NAPB: variants seen among roughly 807,000 people sequenced by gnomAD.
The protein encoded by NAPB is NSF attachment protein beta.
In NAPB, 26 loss-of-function variants were observed where a neutral mutation model predicts 44.7. That is an observed-to-expected ratio of 0.58 (90% CI 0.43 to 0.81). The LOEUF (loss-of-function observed/expected upper bound fraction) is 0.81. Ranked by LOEUF, NAPB falls within the 30% of genes least tolerant of loss-of-function variation. NAPB has a pLI of 0.00. For missense variants in NAPB, 315 were observed against 356.4 expected (o/e 0.88, Z 0.94); for synonymous variants, 120 against 116.8 (o/e 1.03, Z -0.18).
In NAPB at chr20:23,374,742, C is replaced by A. The variant is rs1982358654; in HGVS notation, c.*2634G>T. On this transcript the variant is annotated 3_prime_UTR_variant, in exon 11 of 11. Transcript: ENST00000377026. ...TTTAAATCCACAAAATCAGGAGAAA[C>A]AATAAATGCACAAGGGCTGGTGCAT... 1 of 152,264 alleles carries A rather than the reference C, an allele frequency of 6.6e-6. No individual in the cohort carries two copies. The highest frequency in any genetic ancestry group is 2.4e-5 in the African/African-American group (1 of 41,424). 9.4% of individuals were successfully genotyped at this position (152,264 alleles called of 1,614,324 possible). A position where few individuals can be genotyped will look rare whatever the true frequency, so the allele number is the denominator to read the frequency against.
intron 7 of NAPB, among the ~76,000 whole-genome samples, chr20:23,385,294 G>A (rs937420445): frequency 6.6e-6 from 1 of 152,192 alleles, no homozygotes; most frequent in Admixed American, 6.5e-5. Context: ...AAAATTACCA[G>A]AGACAGAGAA....
Position 23,397,064 on chromosome 20 carries a change from T to A in NAPB, c.295+8A>T. The A allele has an allele frequency of 6.2e-7, 1 of 1,611,994 alleles. No homozygotes were observed. ...AGAGATAGCATGCTACATGCCTGGC[T>A]GTCTTACCTTGGGGATCTGCCTTTT... On this transcript the variant is annotated splice_region_variant and intron_variant, in intron 3 of 10. Transcript: ENST00000377026.
At chr20:23,408,595 G>A (rs1985424498) in intron 1 of NAPB, among the ~76,000 whole-genome samples, 1 of 152,110 alleles carries the variant, frequency 6.6e-6, no homozygotes, top group Non-Finnish European at 1.5e-5. Flanking sequence ...CTAAAAACTT[G>A]GGGCTTTCCT....
chr20:23,385,213 C>T (rs979300825), intron 7 of NAPB, among the ~76,000 whole-genome samples: 1 of 152,012 alleles, frequency 6.6e-6, no homozygotes, highest in African/African-American at 2.4e-5. Flanking sequence ...AATGGACAAA[C>T]ATATCATATA....
At chr20:23,386,858 G>A (rs139779626) in intron 7 of NAPB, among the ~76,000 whole-genome samples, 19 of 152,290 alleles carry the variant, frequency 1.2e-4, no homozygotes, top group African/African-American at 2.9e-4. Context: ...ACAGCTTTCA[G>A]TGGGTTCTGT....
At chr20:23,416,162 C>G (rs541477885) in intron 1 of NAPB, among the ~76,000 whole-genome samples, 1 of 152,246 alleles carries the variant, frequency 6.6e-6, no homozygotes, top group South Asian at 2.1e-4. Flanking sequence ...GTGTTAGCCA[C>G]AGCAACAAAA....
rs759556276 is a variant in NAPB, at chr20:23,377,354, A to G, written c.*22T>C. ...ACAAAACTAAAGAGGAGTTAGCTGC[A>G]TGCCACAAAGACAAAAACATTTCAT... On this transcript the variant is annotated 3_prime_UTR_variant, in exon 11 of 11. Transcript: ENST00000377026. The G allele has an allele frequency of 2.7e-6, 4 of 1,506,644 alleles. No individual in the cohort carries two copies. The African/African-American group carries it at 5.5e-5, about 21-fold the overall frequency. 93.3% of individuals were successfully genotyped at this position (1,506,644 alleles called of 1,614,324 possible). A position where few individuals can be genotyped will look rare whatever the true frequency, so the allele number is the denominator to read the frequency against.
At chr20:23,415,146 G>C (rs542390953) in intron 1 of NAPB, among the ~76,000 whole-genome samples, 5 of 152,114 alleles carry the variant, frequency 3.3e-5, no homozygotes, top group African/African-American at 9.7e-5. Flanking sequence ...AACAGATACT[G>C]TCTGAAAATC....
chr20:23,399,871 CG>C (rs1286864735), intron 2 of NAPB, among the ~76,000 whole-genome samples: 28 of 152,344 alleles, frequency 1.8e-4, no homozygotes, highest in African/African-American at 4.3e-4. Flanking sequence ...ACATTACACA[CG>C]GTGGCCACTT....
intron 3 of NAPB, 67 bp downstream of exon 3, chr20:23,397,005 C>T (rs3736755): frequency 0.084 from 125,997 of 1,507,060 alleles, 6,635 homozygotes; most frequent in East Asian, 0.28. Flanking sequence ...CTGACCTTAA[C>T]GTTGAGGGAA....
In NAPB at chr20:23,421,372, C is replaced by G. The variant is rs994145636; in HGVS notation, c.31G>C (p.Val11Leu). MDNAGKEREA[V>L]QLMAEAEKRV... ...TTCTCGGCCTCCGCCATCAGCTGTA[C>G]TGCCTCACGCTCCTTCCCCGCGTTG... The change falls in exon 1 of 11, where the codon GTA (valine) becomes CTA (leucine). Residue 11 changes from valine (V) to leucine (L), a missense_variant. Around this residue, in one of 3 missense-constraint regions of NAPB, gnomAD observed 179 missense variants for 182.5 expected, o/e 0.98. Transcript: ENST00000377026. 2.6e-6 allele frequency: 4 copies of G among 1,553,556 alleles called. No individual in the cohort carries two copies. Among genetic ancestry groups the G allele is most frequent in the East Asian group, 2.4e-5 (1 of 40,826 alleles).
intron 1 of NAPB, among the ~76,000 whole-genome samples, chr20:23,406,656 A>C (rs889806144): frequency 1.3e-5 from 2 of 152,190 alleles, no homozygotes; most frequent in African/African-American, 2.4e-5. Flanking sequence ...AAAGAAAAAC[A>C]GCTAATAAGT....
chr20:23,384,267 G>A (rs1983285286), intron 7 of NAPB, among the ~76,000 whole-genome samples: 1 of 152,124 alleles, frequency 6.6e-6, no homozygotes, highest in Non-Finnish European at 1.5e-5. Flanking sequence ...TAGAAACACT[G>A]GAAAATCAAG....
intron 1 of NAPB, among the ~76,000 whole-genome samples, chr20:23,412,974 C>A (rs900126328): frequency 2.0e-5 from 3 of 151,998 alleles, no homozygotes; most frequent in African/African-American, 7.3e-5. Flanking sequence ...TGGGCAACAG[C>A]GTGAGACTCT....
At chr20:23,388,724 G>A (rs1246854894) in intron 7 of NAPB, among the ~76,000 whole-genome samples, 2 of 152,010 alleles carry the variant, frequency 1.3e-5, no homozygotes, top group Non-Finnish European at 2.9e-5. Flanking sequence ...AATAAAGTTG[G>A]ACCCTTACCT....
Position 23,421,415 on chromosome 20 carries a change from G to GGCCGCCACA in NAPB, c.-22_-14dup. The GGCCGCCACA allele has an allele frequency of 6.5e-7, 1 of 1,541,274 alleles. No individual in the cohort carries two copies. Among genetic ancestry groups the GGCCGCCACA allele is most frequent in the South Asian group, 1.2e-5 (1 of 83,500 alleles). ...CCGCGTTGTCCATGTCGCCCGCCGCGGCCGCCACAGCCCCCTCAGCCGGCT... is the reference window on the plus strand; with the variant it reads ...CCGCGTTGTCCATGTCGCCCGCCGCGGCCGCCACAGCCGCCACAGCCCCCTCAGCCGGCT... On this transcript the variant is annotated 5_prime_UTR_variant, in exon 1 of 11. Coordinates refer to ENST00000377026, the MANE Select transcript of NAPB (RefSeq NM_022080.3).
chr20:23,397,224 A>C (rs1984433371), intron 2 of NAPB, 36 bp from the exon 3 acceptor site: 2 of 1,589,080 alleles, frequency 1.3e-6, no homozygotes, highest in Non-Finnish European at 1.7e-6. Flanking sequence ...CAGAGGAACA[A>C]GTCCCCCCCA....
In NAPB at chr20:23,421,456, C is replaced by A. The variant is rs192010186; in HGVS notation, c.-54G>T. 1.6e-3 allele frequency: 2,362 copies of A among 1,477,516 alleles called. 48 individuals carry two copies. In the Admixed American group the frequency reaches 0.039, roughly 24 times the overall value. 91.5% of individuals were successfully genotyped at this position (1,477,516 alleles called of 1,614,324 possible). On this transcript the variant is annotated 5_prime_UTR_variant, in exon 1 of 11. Transcript: ENST00000377026. The stretch of plus-strand genomic sequence containing the variant: ...TCAGCCGGCTCGCTGTGCGCCCAGG[C>A]GCCTTAACCCTCCCTCTGGCGGCCG...
At chr20:23,384,359 C>T (rs1010744790) in intron 7 of NAPB, among the ~76,000 whole-genome samples, 1 of 152,026 alleles carries the variant, frequency 6.6e-6, no homozygotes, top group Non-Finnish European at 1.5e-5. Flanking sequence ...CTCAGGAGCT[C>T]AAGACCAGCC....
Sources: allele counts gnomAD v4.1 joint callset (sites outside exome capture counted in the v4.1 genomes callset), GRCh38; gene constraint gnomAD v4.1.1; regional missense constraint gnomAD v4.1.1; transcripts MANE v1.5; gene names NCBI Gene and HGNC (gene_info 2026-07-23, HGNC 2026-07-21).